FSHR: variants seen among roughly 807,000 people sequenced by gnomAD.
FSHR encodes follicle stimulating hormone receptor, also known as follicle-stimulating hormone receptor.
FSHR carries 46 observed loss-of-function variants against 52.1 expected under a neutral mutation model. The observed-to-expected ratio is 0.88, with a 90% confidence interval of 0.70 to 1.13. The LOEUF (loss-of-function observed/expected upper bound fraction) is 1.13. FSHR is among the 50% of genes most tolerant of loss of function. The pLI, the probability that FSHR is intolerant of heterozygous loss-of-function variation, is 0.00. For missense variants in FSHR, 964 were observed against 834.6 expected (o/e 1.16, Z -1.91); for synonymous variants, 399 against 309.6 (o/e 1.29, Z -3.03).
intron 2 of FSHR, among the ~76,000 whole-genome samples, chr2:49,053,023 CT>C (rs1668926772): frequency 6.6e-6 from 1 of 152,218 alleles, no homozygotes; most frequent in Non-Finnish European, 1.5e-5. Context: ...AAAAGTCCCT[CT>C]GTTAAGTTAA....
chr2:49,032,118 G>C (rs1668121499), intron 2 of FSHR, among the ~76,000 whole-genome samples: 1 of 152,180 alleles, frequency 6.6e-6, no homozygotes, highest in Non-Finnish European at 1.5e-5. Context: ...AGTGGAGTGG[G>C]AAAGAAACCC....
intron 3 of FSHR, among the ~76,000 whole-genome samples, chr2:49,017,774 A>T (rs559658938): frequency 6.6e-6 from 1 of 152,234 alleles, no homozygotes; most frequent in African/African-American, 2.4e-5. Context: ...CTAAATATTA[A>T]CCCTGTCTCC....
rs1181865489 is a variant in FSHR, at chr2:48,963,463, C to T, written c.1358G>A (p.Ser453Asn). The change falls in exon 10 of 10, where the codon AGT (serine) becomes AAT (asparagine). Residue 453 changes from serine to asparagine, a missense_variant. Transcript: ENST00000406846. ...TGTCAGAGTGTAGACTGACAGCTCA[C>T]TGGCAAAGACAGTGAAAAAGCCAGC... The part of the protein sequence containing the change: ...DAAGFFTVFA[S>N]ELSVYTLTAI... The T allele has an allele frequency of 6.2e-7, 1 of 1,614,162 alleles. No individual in the cohort carries two copies. Among genetic ancestry groups the T allele is most frequent in the Non-Finnish European group, 8.5e-7 (1 of 1,180,004 alleles).
In FSHR at chr2:48,987,561, C is replaced by A. The variant is rs577622358; in HGVS notation, c.524+1416G>T. Among the ~76,000 whole-genome samples, 5 of 152,156 alleles carry A rather than the reference C, an allele frequency of 3.3e-5. No individual in the cohort carries two copies. The East Asian group carries it at 9.7e-4, about 29-fold the overall frequency. ...GGTGCTCTTCCTGGTCTTGATTATT[C>A]TGTTCCCTCTGCACGCCCTTTGCCA... On this transcript the variant is annotated intron_variant, in intron 6 of 9. Coordinates refer to ENST00000406846, the MANE Select transcript of FSHR (RefSeq NM_000145.4).
intron 8 of FSHR, among the ~76,000 whole-genome samples, chr2:48,976,511 AG>A (rs1674995287): frequency 6.6e-6 from 1 of 152,192 alleles, no homozygotes; most frequent in Non-Finnish European, 1.5e-5. Context: ...TGAGTTAGAG[AG>A]GAGTCCCTCT....
intron 2 of FSHR, among the ~76,000 whole-genome samples, chr2:49,057,976 G>C (rs1248522786): frequency 6.6e-6 from 1 of 152,150 alleles, no homozygotes; most frequent in African/African-American, 2.4e-5. Flanking sequence ...ATGCTTTCAT[G>C]ATAAAAACTC....
chr2:49,013,832 G>A (rs1470694667), intron 4 of FSHR, among the ~76,000 whole-genome samples: 1 of 151,948 alleles, frequency 6.6e-6, no homozygotes, highest in African/African-American at 2.4e-5. Flanking sequence ...TGATATTTAA[G>A]GGTAGAGCCT....
At chr2:49,115,930 C>A (rs187542512) in intron 1 of FSHR, among the ~76,000 whole-genome samples, 3 of 152,070 alleles carry the variant, frequency 2.0e-5, no homozygotes, top group African/African-American at 7.2e-5. Context: ...AGCAAAAGGG[C>A]CTTGTGGGGA....
At chr2:49,052,118 C>T (rs1037663233) in intron 2 of FSHR, among the ~76,000 whole-genome samples, 5 of 152,004 alleles carry the variant, frequency 3.3e-5, no homozygotes, top group African/African-American at 1.2e-4. Context: ...ACATTTTAAA[C>T]AAAATATTAG....
intron 6 of FSHR, among the ~76,000 whole-genome samples, chr2:48,985,376 A>T (rs1388760538): frequency 6.6e-6 from 1 of 152,160 alleles, no homozygotes; most frequent in African/African-American, 2.4e-5. Context: ...ACACGCACGA[A>T]GCAGGTCTCT....
intron 4 of FSHR, among the ~76,000 whole-genome samples, chr2:49,010,672 T>C (rs1667237092): frequency 6.6e-6 from 1 of 151,614 alleles, no homozygotes; most frequent in African/African-American, 2.4e-5. Context: ...CTCTTTTTGG[T>C]TGGTAAGCTA....
intron 1 of FSHR, among the ~76,000 whole-genome samples, chr2:49,122,383 C>A (rs767833676): frequency 6.6e-6 from 1 of 152,210 alleles, no homozygotes; most frequent in African/African-American, 2.4e-5. Context: ...TGACAACAAG[C>A]TTATGAAACA....
At chr2:49,144,487 CA>C in intron 1 of FSHR, among the ~76,000 whole-genome samples, 1 of 152,098 alleles carries the variant, frequency 6.6e-6, no homozygotes, top group African/African-American at 2.4e-5. Flanking sequence ...TTTTCACAAT[CA>C]GGGGCATGAT....
At chr2:49,116,145 C>T (rs1247410248) in intron 1 of FSHR, among the ~76,000 whole-genome samples, 1 of 152,178 alleles carries the variant, frequency 6.6e-6, no homozygotes, top group African/African-American at 2.4e-5. Flanking sequence ...GAATTTGTGA[C>T]AACTGAATCT....
chr2:49,146,300 G>A (rs1399673685), intron 1 of FSHR, among the ~76,000 whole-genome samples: 2 of 151,980 alleles, frequency 1.3e-5, no homozygotes, highest in Non-Finnish European at 2.9e-5. Flanking sequence ...ATTTGAAACC[G>A]AAGCCACTTC....
intron 1 of FSHR, 91 bp downstream of exon 1, chr2:49,154,175 C>G: frequency 1.5e-6 from 2 of 1,377,506 alleles, no homozygotes; most frequent in East Asian, 2.3e-5. Context: ...ATATTTCAGT[C>G]TAACAGATAT....
chr2:48,997,409 A>C (rs1676071299), intron 4 of FSHR: 10 of 984,872 alleles, frequency 1.0e-5, no homozygotes, highest in Non-Finnish European at 1.1e-5. Context: ...AGGAGAGGTC[A>C]GTCCTATCGG....
At chr2:49,004,834 T>C (rs1454226530) in intron 4 of FSHR, among the ~76,000 whole-genome samples, 3 of 152,132 alleles carry the variant, frequency 2.0e-5, no homozygotes, top group Admixed American at 6.5e-5. Context: ...ACAGGTCTTA[T>C]TTCAAAATTA....
intron 1 of FSHR, among the ~76,000 whole-genome samples, chr2:49,080,271 C>T (rs973791824): frequency 2.0e-5 from 3 of 152,122 alleles, no homozygotes; most frequent in Admixed American, 1.3e-4. Context: ...TTTGCTACAA[C>T]TGCTTTCAAG....
Sources: gnomAD v4.1 joint callset for allele counts (sites outside exome capture counted in the v4.1 genomes callset) on GRCh38, gnomAD v4.1.1 for gene constraint, MANE v1.5 for transcripts, NCBI Gene and HGNC (gene_info 2026-07-23, HGNC 2026-07-21) for gene names.